The following RTN1 variants were observed in gnomAD, a reference collection of about 807,000 sequenced individuals.
RTN1 encodes the protein reticulon 1, also known as reticulon-1.
RTN1 carries 25 observed loss-of-function variants against 65.5 expected under a neutral mutation model. The observed-to-expected ratio is 0.38, with a 90% CI of 0.28 to 0.53. The LOEUF is 0.53. Ranked by LOEUF, RTN1 falls within the 20% of genes least tolerant of loss-of-function variation. RTN1 has a pLI of 0.79. For synonymous variants in RTN1, 471 were observed against 447.6 expected, an observed-to-expected ratio of 1.05 and a Z score of -0.66; for missense variants, 983 against 1,025.4, an observed-to-expected ratio of 0.96 and a Z score of 0.57.
chr14:59,709,715 A>G (rs1566693451), intron 3 of RTN1, among the ~76,000 whole-genome samples: 1 of 152,202 alleles, frequency 6.6e-6, no homozygotes, highest in African/African-American at 2.4e-5. Flanking sequence ...CTTACTTCCC[A>G]GTTCAGATAA....
Position 59,630,798 on chromosome 14 carries a change from A to G in RTN1, c.1766-23306T>C, listed in dbSNP as rs566064996. On this transcript the variant is annotated intron_variant, in intron 3 of 8. Transcript: ENST00000267484. ...GCTGCCCAAGGGTGCTACCCTGGAGACGGGTAAAGCGGTTCTGGCCGCGAA... is the reference window on the plus strand; with the variant it reads ...GCTGCCCAAGGGTGCTACCCTGGAGGCGGGTAAAGCGGTTCTGGCCGCGAA... 62 of 1,038,368 alleles carry G rather than the reference A, an allele frequency of 6.0e-5. 1 individual carries two copies. The African/African-American group carries it at 1.0e-3, about 17-fold the overall frequency. The allele number at this position is 1,038,368 out of a possible 1,614,324, so 64.3% of individuals were successfully genotyped here.
intron 3 of RTN1, chr14:59,647,023 G>C (rs1882912423): frequency 6.5e-6 from 1 of 153,534 alleles, no homozygotes; most frequent in Non-Finnish European, 1.5e-5. Context: ...GCTGGATAAA[G>C]AAGCAAGGCC....
Position 59,746,488 on chromosome 14 carries a change from A to T in RTN1, c.242-7T>A. On this transcript the variant is annotated splice_polypyrimidine_tract_variant and splice_region_variant and intron_variant, in intron 1 of 8. Transcript: ENST00000267484. ...CTGGAAACACCTGCCACACCTATGAATCAAAGCAGCAGCAGACAGTGAGTG... is the reference window on the plus strand; with the variant it reads ...CTGGAAACACCTGCCACACCTATGATTCAAAGCAGCAGCAGACAGTGAGTG... 1 of 1,567,284 alleles carries T rather than the reference A, an allele frequency of 6.4e-7. No homozygotes were observed. The highest frequency in any genetic ancestry group is 8.6e-7 in the Non-Finnish European group (1 of 1,159,426).
At chr14:59,760,732 G>A (rs978249343) in intron 1 of RTN1, among the ~76,000 whole-genome samples, 1 of 152,138 alleles carries the variant, frequency 6.6e-6, no homozygotes, top group Admixed American at 6.5e-5. Context: ...TAGGAAACAT[G>A]GACTGCACAA....
chr14:59,795,510 G>T (rs913765680), intron 1 of RTN1, among the ~76,000 whole-genome samples: 5 of 151,852 alleles, frequency 3.3e-5, no homozygotes, highest in African/African-American at 1.2e-4. Flanking sequence ...AGACCAGCCT[G>T]GGCAAAATAG....
At chr14:59,599,256 G>A (rs1881503368) in intron 8 of RTN1, among the ~76,000 whole-genome samples, 1 of 152,060 alleles carries the variant, frequency 6.6e-6, no homozygotes, top group Non-Finnish European at 1.5e-5. Flanking sequence ...CTAAATGTAG[G>A]ACTTCACTTT....
intron 3 of RTN1, among the ~76,000 whole-genome samples, chr14:59,685,560 C>G (rs914426412): frequency 2.6e-5 from 4 of 152,054 alleles, no homozygotes; most frequent in African/African-American, 9.7e-5. Context: ...AAAATATTCC[C>G]CTTTACAATA....
rs924683129 is a variant in RTN1 at position 59,766,685 on chromosome 14, A to T, written c.242-20204T>A. ...GCATATTTTTATATGCTGTATATGG[A>T]TCTTTTCTTCTGGACTAGAAGAAAC... On this transcript the variant is annotated intron_variant, in intron 1 of 8. Transcript: ENST00000267484. This position sits in a 1 kb window ranked among gnomAD's most constrained non-coding sequence, Gnocchi z 4.4. 6.6e-6 allele frequency among the ~76,000 whole-genome samples: 1 copy of T among 152,152 alleles called. No individual in the cohort carries two copies. The highest frequency in any genetic ancestry group is 2.4e-5 in the African/African-American group (1 of 41,436).
At chr14:59,720,006 G>A (rs1884614716) in intron 3 of RTN1, among the ~76,000 whole-genome samples, 1 of 152,098 alleles carries the variant, frequency 6.6e-6, no homozygotes. Flanking sequence ...TCCATTTCAG[G>A]AGCTGATCAA....
Position 59,870,340 on chromosome 14 carries a change from G to A in RTN1, c.241+50C>T, listed in dbSNP as rs752534039. The A allele has an allele frequency of 1.0e-5, 15 of 1,434,440 alleles. No individual in the cohort carries two copies. Among genetic ancestry groups the A allele is most frequent in the African/African-American group, 2.9e-5 (2 of 68,188 alleles). The allele number at this position is 1,434,440 out of a possible 1,614,324, so 88.9% of individuals were successfully genotyped here. The stretch of plus-strand genomic sequence containing the variant: ...GAGCCGCGCAGAAGGGGACTGACTG[G>A]GGGGCCCTGGTCCCCGACGCCATTT... On this transcript the variant is annotated intron_variant, in intron 1 of 8. Transcript: ENST00000267484. The surrounding 1 kb of genome is among the most constrained non-coding windows in gnomAD (Gnocchi z 5.1).
At chr14:59,750,277 A>ATATTATATATTATATC (rs1885451672) in intron 1 of RTN1, among the ~76,000 whole-genome samples, 3 of 62,014 alleles carry the variant, frequency 4.8e-5, no homozygotes, top group African/African-American at 7.6e-5. Context: ...TATCTATAAT[A>ATATTATATATTATATC]TATAATATAT....
chr14:59,865,440 C>G (rs2139679977), intron 1 of RTN1, among the ~76,000 whole-genome samples: 1 of 152,266 alleles, frequency 6.6e-6, no homozygotes, highest in Non-Finnish European at 1.5e-5. Flanking sequence ...TTTACTTATC[C>G]TGGGATCCCA....
chr14:59,631,438 C>A (rs1359352174), intron 3 of RTN1, among the ~76,000 whole-genome samples: 5 of 152,158 alleles, frequency 3.3e-5, no homozygotes, highest in Non-Finnish European at 7.3e-5. Context: ...TCAACAGTGT[C>A]ATCTTTGGGA....
intron 1 of RTN1, among the ~76,000 whole-genome samples, chr14:59,793,938 G>GC: frequency 6.6e-6 from 1 of 151,922 alleles, no homozygotes; most frequent in Non-Finnish European, 1.5e-5. Flanking sequence ...AACACATAAG[G>GC]CCCCATGCTC....
chr14:59,753,720 G>A (rs181531748), intron 1 of RTN1, among the ~76,000 whole-genome samples: 3 of 152,270 alleles, frequency 2.0e-5, no homozygotes, highest in East Asian at 1.9e-4. Context: ...ATTCTTGTCA[G>A]CACTTCCTGC....
In RTN1 at chr14:59,853,105, C is replaced by A. The variant is rs144528537; in HGVS notation, c.241+17285G>T. 1.6e-3 allele frequency among the ~76,000 whole-genome samples: 251 copies of A among 152,276 alleles called. 1 individual carries two copies. The Middle Eastern group carries it at 0.02, about 12-fold the overall frequency. On this transcript the variant is annotated intron_variant, in intron 1 of 8. Transcript: ENST00000267484. ...ATTTCTAAGAGTTAGAAAGTTATTTCATTTCCCCATCCATAAAAGACTTCT... is the reference window on the plus strand; with the variant it reads ...ATTTCTAAGAGTTAGAAAGTTATTTAATTTCCCCATCCATAAAAGACTTCT...
chr14:59,772,224 G>T (rs961225820), intron 1 of RTN1, among the ~76,000 whole-genome samples: 4 of 152,100 alleles, frequency 2.6e-5, no homozygotes, highest in Admixed American at 2.6e-4. Context: ...AAAACAAAAG[G>T]ATATTAATCA....
At chr14:59,654,551 C>A (rs1319970578) in intron 3 of RTN1, among the ~76,000 whole-genome samples, 1 of 150,456 alleles carries the variant, frequency 6.6e-6, no homozygotes, top group Non-Finnish European at 1.5e-5. Flanking sequence ...AGAGCAATAT[C>A]TCTTATGAAT....
intron 1 of RTN1, among the ~76,000 whole-genome samples, chr14:59,751,149 C>A (rs1014363438): frequency 2.0e-5 from 3 of 150,940 alleles, no homozygotes; most frequent in African/African-American, 7.3e-5. Flanking sequence ...GAGCAACAGA[C>A]TAGTTGAAAT....
Sources: gnomAD v4.1 joint callset for allele counts (sites outside exome capture counted in the v4.1 genomes callset) on GRCh38, gnomAD v4.1.1 for gene constraint, Gnocchi (gnomAD v3.1) non-coding constraint, MANE v1.5 for transcripts, NCBI Gene and HGNC (gene_info 2026-07-23, HGNC 2026-07-21) for gene names.